Variants in TSEN15 observed in about 807,000 individuals in gnomAD.
TSEN15 encodes the protein tRNA splicing endonuclease subunit 15.
In TSEN15, 10 loss-of-function variants were observed where a neutral mutation model predicts 20.5. The observed-to-expected ratio is 0.49, with a 90% confidence interval of 0.30 to 0.83. The LOEUF (loss-of-function observed/expected upper bound fraction) is 0.83, where lower values mean the gene tolerates loss of function less well. TSEN15 is among the 40% of genes least tolerant of loss of function. The pLI, the probability that TSEN15 is intolerant of heterozygous loss-of-function variation, is 0.06. For synonymous variants in TSEN15, 72 were observed against 80.1 expected (o/e 0.90, Z 0.54); for missense variants, 180 against 218.6 (o/e 0.82, Z 1.11).
At chr1:184,059,568 C>T (rs1650369658) in intron 3 of TSEN15, among the ~76,000 whole-genome samples, 1 of 152,028 alleles carries the variant, frequency 6.6e-6, no homozygotes, top group Non-Finnish European at 1.5e-5. Context: ...ACATGTATAC[C>T]TTTATACCTT....
intron 3 of TSEN15, among the ~76,000 whole-genome samples, chr1:184,089,732 AAAATC>A (rs1370172490): frequency 6.6e-6 from 1 of 152,164 alleles, no homozygotes; most frequent in Non-Finnish European, 1.5e-5. Context: ...CATTAAAAAA[AAAATC>A]AAATGCAAGA....
At chr1:184,081,933 C>A (rs1428640859) in intron 3 of TSEN15, among the ~76,000 whole-genome samples, 4 of 152,078 alleles carry the variant, frequency 2.6e-5, no homozygotes, top group Non-Finnish European at 5.9e-5. Context: ...GTTGTCCTGG[C>A]CTTTTCTTTA....
downstream of TSEN15, among the ~76,000 whole-genome samples, chr1:184,077,110 G>T (rs1228803755): frequency 6.6e-6 from 1 of 152,108 alleles, no homozygotes; most frequent in Non-Finnish European, 1.5e-5. Context: ...TTCATGGCTA[G>T]AAAGAAGCCA....
At chr1:184,087,859 G>A (rs564426623) in intron 3 of TSEN15, among the ~76,000 whole-genome samples, 2 of 152,286 alleles carry the variant, frequency 1.3e-5, no homozygotes, top group African/African-American at 2.4e-5. Flanking sequence ...TCACTTTGCG[G>A]GGATAACAAG....
At chr1:184,097,160 G>C (rs1572725942) in exon 4 of TSEN15, 1 of 152,192 alleles carries the variant, frequency 6.6e-6, no homozygotes, top group African/African-American at 2.4e-5. Flanking sequence ...TCATTGGTCA[G>C]AGCTCCAAAT....
At chr1:184,094,584 G>A (rs1572724913) in intron 3 of TSEN15, 1 of 153,584 alleles carries the variant, frequency 6.5e-6, no homozygotes, top group Non-Finnish European at 1.4e-5. Flanking sequence ...TTCTCCTAAG[G>A]GATGTGAGCA....
At chr1:184,074,398 A>G (rs1651015903), downstream of TSEN15, among the ~76,000 whole-genome samples, 1 of 152,096 alleles carries the variant, frequency 6.6e-6, no homozygotes, top group Non-Finnish European at 1.5e-5. Flanking sequence ...CTCATCTGAG[A>G]CTTGACTGGG....
Position 184,073,333 on chromosome 1 carries a change from A to G in TSEN15, c.*486A>G, listed in dbSNP as rs1650962982. 1 of 152,872 alleles carries G rather than the reference A, an allele frequency of 6.5e-6. No individual in the cohort carries two copies. Among genetic ancestry groups the G allele is most frequent in the African/African-American group, 2.4e-5 (1 of 41,464 alleles). The allele number at this position is 152,872 out of a possible 1,614,324, so 9.5% of individuals were successfully genotyped here. On this transcript the variant is annotated 3_prime_UTR_variant, in exon 5 of 5. Transcript: ENST00000645668. ...CTTTTTCCTCTCCAGTAAAAAGTAAAAGATTTCTTTCAATTGGTCTTCCCA... is the reference window on the plus strand; with the variant it reads ...CTTTTTCCTCTCCAGTAAAAAGTAAGAGATTTCTTTCAATTGGTCTTCCCA...
At chr1:184,087,898 G>C (rs543493098) in intron 3 of TSEN15, among the ~76,000 whole-genome samples, 1 of 152,296 alleles carries the variant, frequency 6.6e-6, no homozygotes, top group South Asian at 2.1e-4. Context: ...ATTTGGAAAA[G>C]TTTTGGTTGA....
chr1:184,079,052 G>C (rs1651115718), downstream of TSEN15, among the ~76,000 whole-genome samples: 1 of 152,090 alleles, frequency 6.6e-6, no homozygotes, highest in African/African-American at 2.4e-5. Flanking sequence ...AGAATAATGT[G>C]CTATCCTCTG....
Position 184,051,905 on chromosome 1 carries a change from G to A in TSEN15, c.135+15G>A, listed in dbSNP as rs1422543000. On this transcript the variant is annotated intron_variant, in intron 1 of 4. Coordinates refer to ENST00000645668, the MANE Select transcript of TSEN15 (RefSeq NM_052965.4). ...CTCACCCTAAGGTCAGGAGGCGCGA[G>A]AGGAGCAGGGCGCCGTCCAGGCCCC... 8 of 1,525,946 alleles carry A rather than the reference G, an allele frequency of 5.2e-6. No individual in the cohort carries two copies. Among genetic ancestry groups the A allele is most frequent in the Non-Finnish European group, 7.1e-6 (8 of 1,134,082 alleles). 94.5% of individuals were successfully genotyped at this position (1,525,946 alleles called of 1,614,324 possible). A position where few individuals can be genotyped will look rare whatever the true frequency, so the allele number is the denominator to read the frequency against.
chr1:184,062,178 A>G (rs189715993), intron 3 of TSEN15, among the ~76,000 whole-genome samples: 39 of 152,254 alleles, frequency 2.6e-4, no homozygotes, highest in Middle Eastern at 3.4e-3. Flanking sequence ...CTCTCATCTA[A>G]AAATACTTCC....
At chr1:184,072,370 C>A in intron 4 of TSEN15, 72 bp downstream of exon 4, 1 of 1,392,384 alleles carries the variant, frequency 7.2e-7, no homozygotes, top group Non-Finnish European at 9.7e-7. Context: ...AAGTGTGACT[C>A]AAGTCAGTCA....
In TSEN15 at chr1:184,073,901, G is replaced by T. The variant is rs965759831; in HGVS notation, c.*1054G>T. On this transcript the variant is annotated 3_prime_UTR_variant, in exon 5 of 5. Coordinates refer to ENST00000645668, the MANE Select transcript of TSEN15 (RefSeq NM_052965.4). ...GTTTACAAATGTGGTGCCATAGTTT[G>T]TCATCCCTGGGTCTAGGAAATAGTC... 2.6e-5 allele frequency: 4 copies of T among 152,136 alleles called. No homozygotes were observed. The highest frequency in any genetic ancestry group is 5.9e-5 in the Non-Finnish European group (4 of 68,028). The allele number at this position is 152,136 out of a possible 1,614,324, so 9.4% of individuals were successfully genotyped here. A position where few individuals can be genotyped will look rare whatever the true frequency, so the allele number is the denominator to read the frequency against.
chr1:184,095,667 C>G (rs573654253), intron 3 of TSEN15: 4,926 of 388,802 alleles, frequency 0.013, 200 homozygotes, highest in African/African-American at 0.092. Flanking sequence ...CTCTCTCTCT[C>G]TGTGTCTCTC....
downstream of TSEN15, among the ~76,000 whole-genome samples, chr1:184,078,485 T>C (rs561762179): frequency 2.6e-5 from 4 of 152,236 alleles, no homozygotes; most frequent in South Asian, 8.3e-4. Context: ...AGCTGGGGCA[T>C]GAAAGAGGGA....
At position 184,088,047 on chromosome 1, in the gene TSEN15, C is replaced by T. The variant is rs539663841; in HGVS notation, c.354-7643C>T. Among the ~76,000 whole-genome samples the T allele has an allele frequency of 6.6e-5, 10 of 152,278 alleles. No homozygotes were observed. In the South Asian group the frequency reaches 1.2e-3, roughly 19 times the overall value. Reference sequence around the variant, plus strand: ...GATATTGCTATGAAAATGCCAGGCACTGTGGAAAGTTCCAGTTTTCTCTTG... The same window carrying T: ...GATATTGCTATGAAAATGCCAGGCATTGTGGAAAGTTCCAGTTTTCTCTTG... On this transcript the variant is annotated intron_variant, in intron 3 of 3. Coordinates refer to the TSEN15 transcript ENST00000643231.
intron 3 of TSEN15, among the ~76,000 whole-genome samples, chr1:184,079,703 C>A (rs948447015): frequency 3.3e-5 from 5 of 152,148 alleles, no homozygotes; most frequent in Non-Finnish European, 7.4e-5. Flanking sequence ...TTAATTACCT[C>A]CCTAAAGGCC....
chr1:184,071,274 G>C (rs1010219149), intron 3 of TSEN15: 1 of 151,864 alleles, frequency 6.6e-6, no homozygotes, highest in African/African-American at 2.4e-5. Context: ...CACAAAGGAT[G>C]GGGGAAGGAA....
Sources: gnomAD v4.1 joint callset for allele counts (sites outside exome capture counted in the v4.1 genomes callset) on GRCh38, gnomAD v4.1.1 for gene constraint, MANE v1.5 for transcripts, NCBI Gene and HGNC (gene_info 2026-07-23, HGNC 2026-07-21) for gene names.